STK39: variants seen among roughly 807,000 people sequenced by gnomAD.
STK39 encodes serine/threonine kinase 39, also known as STE20/SPS1-related proline-alanine-rich protein kinase.
A neutral mutation model predicts 77.8 loss-of-function variants in STK39; 20 were observed. The ratio of observed to expected loss-of-function variants is 0.26; its 90% CI spans 0.18 to 0.37. The LOEUF (loss-of-function observed/expected upper bound fraction) is 0.37, where lower values mean the gene tolerates loss of function less well. Among genes scored for constraint, STK39 ranks in the 10% least tolerant of loss-of-function variants. The pLI, the probability that STK39 is intolerant of heterozygous loss-of-function variation, is 1.00. For synonymous variants in STK39, 246 were observed against 234.1 expected, an observed-to-expected ratio of 1.05 and a Z score of -0.47; for missense variants, 479 against 656.5, an observed-to-expected ratio of 0.73 and a Z score of 2.95.
chr2:168,024,092 C>A (rs1487121878), intron 14 of STK39, among the ~76,000 whole-genome samples: 1 of 152,168 alleles, frequency 6.6e-6, no homozygotes, highest in Non-Finnish European at 1.5e-5. Context: ...GTCAGGACAT[C>A]ATTTTTAGTT....
intron 14 of STK39, among the ~76,000 whole-genome samples, chr2:168,044,916 T>C (rs1274264937): frequency 2.0e-5 from 3 of 152,144 alleles, no homozygotes; most frequent in African/African-American, 2.4e-5. Flanking sequence ...CATTCTCCTT[T>C]CAGGTAAGTA....
chr2:167,989,422 AACCAGTTGT>A lies in STK39; in HGVS notation c.1498+23203_1498+23211del, dbSNP rs1683642368. ...CAGATGGAGTCCATTTTCTCCAAAG[AACCAGTTGT>A]ACCTGGTTCAGGAATTTCATTTCAT... is the stretch of plus-strand genomic sequence containing the variant. On this transcript the variant is annotated intron_variant, in intron 16 of 17. Transcript: ENST00000355999. Among the ~76,000 whole-genome samples the A allele has an allele frequency of 2.6e-5, 4 of 152,154 alleles. No homozygotes were observed. The South Asian group carries it at 8.3e-4, about 32-fold the overall frequency.
intron 16 of STK39, among the ~76,000 whole-genome samples, chr2:168,008,128 G>C (rs77370649): frequency 0.019 from 2,869 of 152,184 alleles, 95 homozygotes; most frequent in African/African-American, 0.066. Flanking sequence ...TTCATATAAA[G>C]AATCACACCA....
At chr2:168,164,752 A>G (rs1489694959) in intron 3 of STK39, among the ~76,000 whole-genome samples, 2 of 152,170 alleles carry the variant, frequency 1.3e-5, no homozygotes, top group Non-Finnish European at 2.9e-5. Flanking sequence ...ACTAACACTT[A>G]CAATAAACAA....
intron 4 of STK39, 38 bp downstream of exon 4, chr2:168,163,701 T>G (rs1225027383): frequency 6.2e-7 from 1 of 1,612,834 alleles, no homozygotes. Flanking sequence ...CTTTAAGATA[T>G]GAACATCTGA....
intron 10 of STK39, among the ~76,000 whole-genome samples, chr2:168,102,460 T>C (rs1381797290): frequency 6.6e-6 from 1 of 152,134 alleles, no homozygotes; most frequent in Non-Finnish European, 1.5e-5. Flanking sequence ...GGAAACTGGA[T>C]TGGAAAGGTT....
intron 16 of STK39, among the ~76,000 whole-genome samples, chr2:167,987,274 A>G (rs1356242857): frequency 6.6e-6 from 1 of 151,972 alleles, no homozygotes. Flanking sequence ...ATAATCCTAT[A>G]CTTTTAGAGT....
At chr2:168,129,660 C>T in intron 9 of STK39, 50 bp downstream of exon 9, 2 of 1,613,872 alleles carry the variant, frequency 1.2e-6, no homozygotes, top group Non-Finnish European at 1.7e-6. Context: ...CACATAAATA[C>T]ACAGTGATTT....
chr2:168,037,078 G>A (rs1390179315), intron 14 of STK39, among the ~76,000 whole-genome samples: 1 of 152,174 alleles, frequency 6.6e-6, no homozygotes, highest in Non-Finnish European at 1.5e-5. Flanking sequence ...TTCTTTTAGA[G>A]TAAAAATAGA....
At chr2:168,038,269 A>T (rs1281327792) in intron 14 of STK39, among the ~76,000 whole-genome samples, 1 of 152,164 alleles carries the variant, frequency 6.6e-6, no homozygotes, top group African/African-American at 2.4e-5. Context: ...AAGCCCACGA[A>T]AAAGTGTTTC....
intron 14 of STK39, among the ~76,000 whole-genome samples, chr2:168,058,332 C>T (rs1477504701): frequency 6.6e-6 from 1 of 152,142 alleles, no homozygotes; most frequent in Non-Finnish European, 1.5e-5. Flanking sequence ...TTAGGAACAT[C>T]ACTCTCTCCT....
At chr2:168,063,879 T>C (rs1333622253) in intron 13 of STK39, among the ~76,000 whole-genome samples, 1 of 152,158 alleles carries the variant, frequency 6.6e-6, no homozygotes, top group African/African-American at 2.4e-5. Context: ...AACCCACACA[T>C]AGACTGTTAC....
chr2:168,118,639 C>G (rs1687322263), intron 10 of STK39, among the ~76,000 whole-genome samples: 1 of 147,344 alleles, frequency 6.8e-6, no homozygotes, highest in Non-Finnish European at 1.5e-5. Flanking sequence ...ACTCAATTCA[C>G]CAAATGAATT....
intron 7 of STK39, among the ~76,000 whole-genome samples, chr2:168,138,536 G>A (rs369038491): frequency 6.6e-6 from 1 of 152,166 alleles, no homozygotes; most frequent in Non-Finnish European, 1.5e-5. Context: ...TCCAGCACAG[G>A]CTAGTTGGGA....
Position 167,954,356 on chromosome 2 carries a change from C to T in STK39, c.*1140G>A, listed in dbSNP as rs1263063440. The T allele has an allele frequency of 6.6e-6, 1 of 152,532 alleles. No individual in the cohort carries two copies. The highest frequency in any genetic ancestry group is 2.4e-5 in the African/African-American group (1 of 41,420). 9.4% of individuals were successfully genotyped at this position (152,532 alleles called of 1,614,324 possible). A position where few individuals can be genotyped will look rare whatever the true frequency, so the allele number is the denominator to read the frequency against. ...TAATATACAGTCAAGCAGAGGGCTA[C>T]TTGGGTTGAAAGTATTGATTCTTGA... On this transcript the variant is annotated 3_prime_UTR_variant, in exon 18 of 18. Transcript: ENST00000355999.
intron 1 of STK39, 63 bp downstream of exon 1, chr2:168,247,165 G>GC: frequency 9.6e-7 from 1 of 1,044,826 alleles, no homozygotes. Flanking sequence ...AGCATCCCGC[G>GC]CCCCCTCCCG....
intron 1 of STK39, among the ~76,000 whole-genome samples, chr2:168,198,616 T>C (rs930531164): frequency 3.3e-5 from 5 of 152,174 alleles, no homozygotes; most frequent in East Asian, 1.9e-4. Context: ...CAAAGCACAG[T>C]AGGAAATCAT....
intron 1 of STK39, among the ~76,000 whole-genome samples, chr2:168,215,885 T>C (rs1246698718): frequency 6.6e-6 from 1 of 152,148 alleles, no homozygotes; most frequent in African/African-American, 2.4e-5. Flanking sequence ...CAAAGCCACC[T>C]CTCAAGTGCA....
intron 1 of STK39, 95 bp downstream of exon 1, chr2:168,247,133 G>C: frequency 2.3e-6 from 2 of 857,076 alleles, no homozygotes; most frequent in Non-Finnish European, 2.8e-6. Flanking sequence ...TCTGCCTCCA[G>C]GGCGTGCATG....
Sources: gnomAD v4.1 joint callset for allele counts (sites outside exome capture counted in the v4.1 genomes callset) on GRCh38, gnomAD v4.1.1 for gene constraint, MANE v1.5 for transcripts, NCBI Gene and HGNC (gene_info 2026-07-23, HGNC 2026-07-21) for gene names.